PSMB7: variants seen among roughly 807,000 people sequenced by gnomAD.
PSMB7 encodes proteasome 20S subunit beta 7.
In PSMB7, 5 loss-of-function variants were observed where a neutral mutation model predicts 28.1. That is an observed-to-expected ratio of 0.18 (90% CI 0.09 to 0.37). The LOEUF (loss-of-function observed/expected upper bound fraction) is 0.37, where lower values mean the gene tolerates loss of function less well. PSMB7 is among the 10% of genes least tolerant of loss of function. The probability of loss-of-function intolerance (pLI) is 1.00; values close to 1 mark genes in which losing one functional copy is unlikely to be tolerated. For synonymous variants in PSMB7, 122 were observed against 123.7 expected (o/e 0.99, Z 0.09); for missense variants, 275 against 346.2 (o/e 0.79, Z 1.63).
chr9:124,392,504 G>A (rs1345229625), intron 5 of PSMB7, among the ~76,000 whole-genome samples: 1 of 152,188 alleles, frequency 6.6e-6, no homozygotes, highest in Non-Finnish European at 1.5e-5. Flanking sequence ...CGCACAAGAG[G>A]GCAGGGGACA....
At chr9:124,355,707 T>C (rs1016426168) in intron 7 of PSMB7, among the ~76,000 whole-genome samples, 2 of 152,108 alleles carry the variant, frequency 1.3e-5, no homozygotes, top group African/African-American at 4.8e-5. Context: ...CTGGTTTAGC[T>C]CCATTTCCAA....
chr9:124,375,817 C>G (rs1025847526), intron 6 of PSMB7, among the ~76,000 whole-genome samples: 1 of 152,176 alleles, frequency 6.6e-6, no homozygotes, highest in Non-Finnish European at 1.5e-5. Flanking sequence ...GGATAGTCTT[C>G]CTTGATCTCC....
chr9:124,411,310 T>C (rs941623115), intron 4 of PSMB7, among the ~76,000 whole-genome samples: 2 of 152,174 alleles, frequency 1.3e-5, no homozygotes, highest in South Asian at 2.1e-4. Flanking sequence ...CCATTTACAA[T>C]TGTTAGCCAC....
intron 6 of PSMB7, among the ~76,000 whole-genome samples, chr9:124,381,530 G>C (rs1487733493): frequency 6.6e-6 from 1 of 152,192 alleles, no homozygotes; most frequent in Non-Finnish European, 1.5e-5. Flanking sequence ...ACACTGAAAG[G>C]AAACAGCAGG....
In PSMB7 at chr9:124,368,047, T is replaced by G. The variant is rs139333492; in HGVS notation, c.571-11132A>C. ...TCTTTGTTCATATGCACATCTTCCA[T>G]GTAGAATTACCGCCATTTCGGTGAG... On this transcript the variant is annotated intron_variant, in intron 6 of 7. Coordinates refer to ENST00000259457, the MANE Select transcript of PSMB7 (RefSeq NM_002799.4). Among the ~76,000 whole-genome samples the G allele has an allele frequency of 2.5e-3, 387 of 152,354 alleles. 1 individual carries two copies. The highest frequency in any genetic ancestry group is 9.2e-3 in the African/African-American group (384 of 41,580).
intron 6 of PSMB7, among the ~76,000 whole-genome samples, chr9:124,378,002 A>C (rs1830630511): frequency 6.6e-6 from 1 of 152,276 alleles, no homozygotes; most frequent in Non-Finnish European, 1.5e-5. Flanking sequence ...AGAGAGCCAG[A>C]GCTCTAGAAA....
At chr9:124,388,064 T>C (rs1830744225) in intron 5 of PSMB7, among the ~76,000 whole-genome samples, 1 of 152,322 alleles carries the variant, frequency 6.6e-6, no homozygotes, top group South Asian at 2.1e-4. Context: ...ACATCCTCTT[T>C]TCCCTATAAA....
At chr9:124,406,961 T>C (rs1405275626) in intron 4 of PSMB7, among the ~76,000 whole-genome samples, 1 of 152,072 alleles carries the variant, frequency 6.6e-6, no homozygotes, top group Non-Finnish European at 1.5e-5. Context: ...CACTCCAGCC[T>C]GGGCAACAGA....
chr9:124,365,232 G>A (rs914630292), intron 6 of PSMB7, among the ~76,000 whole-genome samples: 4 of 152,152 alleles, frequency 2.6e-5, no homozygotes, highest in African/African-American at 7.2e-5. Flanking sequence ...GAGCCCAGAA[G>A]GGGAAACAAG....
At chr9:124,401,724 C>T (rs912188758) in intron 5 of PSMB7, among the ~76,000 whole-genome samples, 7 of 152,194 alleles carry the variant, frequency 4.6e-5, no homozygotes. Flanking sequence ...AAGGCACTCA[C>T]TAAAGAGCTG....
intron 5 of PSMB7, among the ~76,000 whole-genome samples, chr9:124,390,542 T>A (rs529257966): frequency 6.6e-6 from 1 of 152,262 alleles, no homozygotes; most frequent in East Asian, 1.9e-4. Context: ...TTTTTGGCAA[T>A]GGGAAGAGAT....
chr9:124,379,856 C>T (rs375023419), intron 6 of PSMB7, among the ~76,000 whole-genome samples: 234 of 152,334 alleles, frequency 1.5e-3, no homozygotes, highest in Non-Finnish European at 2.5e-3. Flanking sequence ...GAAAAGGTCC[C>T]TTCCATTTCC....
At chr9:124,401,565 C>A (rs542899842) in intron 5 of PSMB7, among the ~76,000 whole-genome samples, 1 of 152,326 alleles carries the variant, frequency 6.6e-6, no homozygotes, top group African/African-American at 2.4e-5. Flanking sequence ...CCTGAATTAT[C>A]CCAGCTTGGA....
In PSMB7 at chr9:124,412,254, T is replaced by C. The variant is rs535048451; in HGVS notation, c.395+98A>G. On this transcript the variant is annotated intron_variant, in intron 4 of 7. Coordinates refer to ENST00000259457, the MANE Select transcript of PSMB7 (RefSeq NM_002799.4). ...ATTTCCGGAACAAAATGTGTATTTC[T>C]GAATGTGTTTTTGCTACTTTCCAGG... The C allele has an allele frequency of 1.7e-5, 21 of 1,201,140 alleles. No individual in the cohort carries two copies. The African/African-American group carries it at 2.4e-4, about 14-fold the overall frequency. 74.4% of individuals were successfully genotyped at this position (1,201,140 alleles called of 1,614,324 possible).
At chr9:124,402,739 G>A (rs1481851550) in intron 5 of PSMB7, among the ~76,000 whole-genome samples, 3 of 152,098 alleles carry the variant, frequency 2.0e-5, no homozygotes, top group African/African-American at 7.2e-5. Flanking sequence ...AATAGAAAAG[G>A]TTATTCCACC....
chr9:124,370,642 C>CA (rs1438730693), intron 6 of PSMB7, among the ~76,000 whole-genome samples: 2 of 152,212 alleles, frequency 1.3e-5, no homozygotes, highest in African/African-American at 4.8e-5. Context: ...CTTTAGATCA[C>CA]AAGGTAAAAA....
chr9:124,356,949 G>T lies in PSMB7; in HGVS notation c.571-34C>A. The T allele has an allele frequency of 6.2e-7, 1 of 1,612,688 alleles. No homozygotes were observed. The highest frequency in any genetic ancestry group is 8.5e-7 in the Non-Finnish European group (1 of 1,179,050). On this transcript the variant is annotated intron_variant, in intron 6 of 7. Coordinates refer to ENST00000259457, the MANE Select transcript of PSMB7 (RefSeq NM_002799.4). This position sits in a 1 kb window ranked among gnomAD's most constrained non-coding sequence, Gnocchi z 4.4. Reference sequence around the variant, plus strand: ...CAGAACGGCGGCAATAATGTCCCCGGCCAAACTAGGGCCTGCTCTGACATC... The same window carrying T: ...CAGAACGGCGGCAATAATGTCCCCGTCCAAACTAGGGCCTGCTCTGACATC...
intron 6 of PSMB7, among the ~76,000 whole-genome samples, chr9:124,379,175 C>A (rs1211845941): frequency 7.4e-6 from 1 of 135,344 alleles, no homozygotes; most frequent in Non-Finnish European, 1.6e-5. Flanking sequence ...AGATTTATCA[C>A]CAGTAAGTAA....
chr9:124,358,723 T>C (rs1210808320), intron 6 of PSMB7, among the ~76,000 whole-genome samples: 4 of 152,208 alleles, frequency 2.6e-5, no homozygotes, highest in Non-Finnish European at 1.5e-5. Flanking sequence ...ACCATACTTA[T>C]TCCCCTGTTC....
Sources: allele counts gnomAD v4.1 joint callset (sites outside exome capture counted in the v4.1 genomes callset), GRCh38; gene constraint gnomAD v4.1.1; non-coding constraint Gnocchi (gnomAD v3.1); transcripts MANE v1.5; gene names NCBI Gene and HGNC (gene_info 2026-07-23, HGNC 2026-07-21).